Variants in CHCHD6 observed in about 807,000 individuals in gnomAD.
CHCHD6 encodes the protein MICOS complex subunit MIC25.
Under a neutral mutation model 32.3 loss-of-function variants are expected in CHCHD6, and 28 were observed. The ratio of observed to expected loss-of-function variants is 0.87; its 90% CI spans 0.64 to 1.19. The LOEUF is 1.19. CHCHD6 is among the 50% of genes most tolerant of loss of function. The probability of loss-of-function intolerance (pLI) is 0.00; values close to 1 mark genes in which losing one functional copy is unlikely to be tolerated. For missense variants in CHCHD6, 333 were observed against 307.0 expected, an observed-to-expected ratio of 1.08 and a Z score of -0.63; for synonymous variants, 122 against 117.5, an observed-to-expected ratio of 1.04 and a Z score of -0.25.
chr3:126,956,180 T>C (rs1256451161), intron 6 of CHCHD6, among the ~76,000 whole-genome samples: 1 of 152,230 alleles, frequency 6.6e-6, no homozygotes, highest in Non-Finnish European at 1.5e-5. Flanking sequence ...AGCTGTGGCA[T>C]GTGTGACAGT....
At chr3:126,724,401 G>A (rs904224383) in intron 1 of CHCHD6, among the ~76,000 whole-genome samples, 2 of 152,158 alleles carry the variant, frequency 1.3e-5, no homozygotes, top group Non-Finnish European at 1.5e-5. Flanking sequence ...GTAGTCTCAA[G>A]TGTACACTAA....
At chr3:126,767,256 T>C in intron 4 of CHCHD6, 1 of 1,411,948 alleles carries the variant, frequency 7.1e-7, no homozygotes, top group Non-Finnish European at 1.0e-6. Context: ...CTGGGGATAG[T>C]GTCTGTCAGG....
intron 4 of CHCHD6, among the ~76,000 whole-genome samples, chr3:126,740,375 G>A (rs1278657759): frequency 6.6e-6 from 1 of 152,132 alleles, no homozygotes; most frequent in Non-Finnish European, 1.5e-5. Context: ...TGTGTGGAGG[G>A]AAGGTGTCTC....
chr3:126,852,289 C>G (rs1362046175), intron 4 of CHCHD6, among the ~76,000 whole-genome samples: 1 of 152,162 alleles, frequency 6.6e-6, no homozygotes, highest in Non-Finnish European at 1.5e-5. Context: ...ACTACTTAGG[C>G]CCCCTGTTGT....
intron 5 of CHCHD6, among the ~76,000 whole-genome samples, chr3:126,894,874 C>T (rs1310773306): frequency 6.6e-6 from 1 of 152,226 alleles, no homozygotes; most frequent in Non-Finnish European, 1.5e-5. Context: ...CCATTTACCA[C>T]TTCATGTAAT....
intron 4 of CHCHD6, among the ~76,000 whole-genome samples, chr3:126,821,244 GTTGT>G (rs1194139108): frequency 6.6e-6 from 1 of 152,290 alleles, no homozygotes; most frequent in Admixed American, 6.5e-5. Flanking sequence ...GGACATTTGG[GTTGT>G]TTAAGAACAT....
intron 4 of CHCHD6, among the ~76,000 whole-genome samples, chr3:126,822,382 G>A (rs1433917043): frequency 6.6e-6 from 1 of 152,130 alleles, no homozygotes; most frequent in Non-Finnish European, 1.5e-5. Flanking sequence ...GTAAATATAA[G>A]GGTTGATTAT....
rs6799540 is a variant in CHCHD6 at position 126,945,664 on chromosome 3, G to A, written c.567-11752G>A. On this transcript the variant is annotated intron_variant, in intron 6 of 7. Coordinates refer to ENST00000290913, the MANE Select transcript of CHCHD6 (RefSeq NM_032343.3). ...TCGGGAGACTCAGGGAGACTCAAGC[G>A]GGGAGACTTGGGAGATTCGGGGGAA... Among the ~76,000 whole-genome samples, 511 of 141,530 alleles carry A rather than the reference G, an allele frequency of 3.6e-3. 3 individuals carry two copies. Among genetic ancestry groups the A allele is most frequent in the African/African-American group, 0.013 (489 of 36,982 alleles). The allele number at this position is 141,530 out of a possible 152,430, so 92.8% of individuals were successfully genotyped here.
chr3:126,809,149 T>A (rs1430258028), intron 4 of CHCHD6, among the ~76,000 whole-genome samples: 2 of 152,174 alleles, frequency 1.3e-5, no homozygotes, highest in African/African-American at 4.8e-5. Flanking sequence ...TTTTTTTGTA[T>A]TTTTAGCAGA....
intron 5 of CHCHD6, among the ~76,000 whole-genome samples, chr3:126,863,658 C>T (rs1942071195): frequency 1.4e-5 from 2 of 145,972 alleles, no homozygotes; most frequent in African/African-American, 2.6e-5. Flanking sequence ...CCACCTCCCC[C>T]TCCTCCACCA....
chr3:126,817,678 A>G (rs999767764), intron 4 of CHCHD6, among the ~76,000 whole-genome samples: 3 of 152,094 alleles, frequency 2.0e-5, no homozygotes, highest in African/African-American at 7.2e-5. Flanking sequence ...TGCAGTTACT[A>G]GCTCCGTAGG....
intron 5 of CHCHD6, among the ~76,000 whole-genome samples, chr3:126,873,043 C>G (rs1363642238): frequency 6.6e-6 from 1 of 152,198 alleles, no homozygotes; most frequent in Non-Finnish European, 1.5e-5. Flanking sequence ...TTGCTACTTC[C>G]TTGAACACGG....
At chr3:126,766,545 GA>G in intron 4 of CHCHD6, 4 of 1,057,378 alleles carry the variant, frequency 3.8e-6, no homozygotes, top group Non-Finnish European at 1.5e-6. Context: ...TGACCTCTGA[GA>G]AAATGCCATC....
intron 4 of CHCHD6, among the ~76,000 whole-genome samples, chr3:126,798,525 T>A (rs1285047887): frequency 6.6e-6 from 1 of 152,184 alleles, no homozygotes; most frequent in Non-Finnish European, 1.5e-5. Context: ...TGTTTTTCCT[T>A]TGTGGCAGGC....
chr3:126,852,075 G>A (rs1941494061), intron 4 of CHCHD6, among the ~76,000 whole-genome samples: 1 of 152,304 alleles, frequency 6.6e-6, no homozygotes, highest in African/African-American at 2.4e-5. Flanking sequence ...AGCTGACTCT[G>A]TGCGTGTCTT....
Position 126,881,903 on chromosome 3 carries a change from A to G in CHCHD6, c.495+29173A>G, listed in dbSNP as rs574562642. On this transcript the variant is annotated intron_variant, in intron 5 of 7. Transcript: ENST00000290913. ...GGTGGCTCTGGGTGGGGTGACTGCTACTATTTGTAAAAAGCATGCAGTTTA... is the reference window on the plus strand; with the variant it reads ...GGTGGCTCTGGGTGGGGTGACTGCTGCTATTTGTAAAAAGCATGCAGTTTA... Among the ~76,000 whole-genome samples, 6 of 152,348 alleles carry G rather than the reference A, an allele frequency of 3.9e-5. No individual in the cohort carries two copies. The South Asian group carries it at 1.0e-3, about 26-fold the overall frequency.
intron 4 of CHCHD6, among the ~76,000 whole-genome samples, chr3:126,786,744 AT>A: frequency 6.6e-6 from 1 of 152,160 alleles, no homozygotes; most frequent in South Asian, 2.1e-4. Flanking sequence ...AGATGAGTAG[AT>A]TGCAAAAATT....
At chr3:126,867,005 G>C (rs1034250115) in intron 5 of CHCHD6, among the ~76,000 whole-genome samples, 1 of 152,202 alleles carries the variant, frequency 6.6e-6, no homozygotes, top group African/African-American at 2.4e-5. Flanking sequence ...CCGTGCTGCA[G>C]TGAGTTCTTA....
intron 4 of CHCHD6, among the ~76,000 whole-genome samples, chr3:126,798,905 T>C (rs1559850321): frequency 6.6e-6 from 1 of 152,226 alleles, no homozygotes; most frequent in Non-Finnish European, 1.5e-5. Flanking sequence ...TCAGTTGCTC[T>C]TGTATCCTGG....
Sources: allele counts gnomAD v4.1 joint callset (sites outside exome capture counted in the v4.1 genomes callset), GRCh38; gene constraint gnomAD v4.1.1; transcripts MANE v1.5; gene names NCBI Gene and HGNC (gene_info 2026-07-23, HGNC 2026-07-21).